MTCL2: variants seen among roughly 807,000 people sequenced by gnomAD.
MTCL2 encodes the protein microtubule cross-linking factor 2.
the MTCL2 span, among the ~76,000 whole-genome samples, chr20:36,843,171 A>G: frequency 3.3e-5 from 5 of 152,146 alleles, no homozygotes; most frequent in Non-Finnish European, 7.4e-5. Context: ...AGGAACAAAC[A>G]TGGGGTTCTC....
the MTCL2 span, among the ~76,000 whole-genome samples, chr20:36,787,515 G>C: frequency 6.6e-6 from 1 of 152,074 alleles, no homozygotes; most frequent in Non-Finnish European, 1.5e-5. Flanking sequence ...GAGCCACTGT[G>C]CCTGGCCCCA....
the MTCL2 span, among the ~76,000 whole-genome samples, chr20:36,810,759 C>T: frequency 8.7e-5 from 6 of 69,150 alleles, no homozygotes; most frequent in Non-Finnish European, 1.4e-4. Flanking sequence ...TCTCTTTCAA[C>T]GGAGTTTCGC....
the MTCL2 span, among the ~76,000 whole-genome samples, chr20:36,850,853 T>G: frequency 6.6e-6 from 1 of 152,234 alleles, no homozygotes; most frequent in Non-Finnish European, 1.5e-5. Flanking sequence ...CTGTGGTACG[T>G]CCACGCAATA....
chr20:36,853,880 T>G, the MTCL2 span, among the ~76,000 whole-genome samples: 1 of 152,116 alleles, frequency 6.6e-6, no homozygotes, highest in Non-Finnish European at 1.5e-5. Flanking sequence ...GGCATTCGTG[T>G]CAGGAAGCGC....
the MTCL2 span, among the ~76,000 whole-genome samples, chr20:36,845,426 A>T: frequency 6.6e-6 from 1 of 152,374 alleles, no homozygotes; most frequent in East Asian, 1.9e-4. Context: ...GTGACAGCCC[A>T]AGATGTTGCA....
At chr20:36,811,584 C>T in the MTCL2 span, among the ~76,000 whole-genome samples, 3 of 151,132 alleles carry the variant, frequency 2.0e-5, no homozygotes, top group African/African-American at 4.9e-5. Flanking sequence ...GAGCCAAGAT[C>T]GCACTACTGC....
At chr20:36,794,730 A>T in the MTCL2 span, 11 of 1,134,182 alleles carry the variant, frequency 9.7e-6, no homozygotes, top group Non-Finnish European at 1.4e-5. The surrounding 1 kb of genome is among the most constrained non-coding windows in gnomAD (Gnocchi z 5.4). Context: ...TCTTGTAGAG[A>T]TGTTGTTGGT....
chr20:36,791,227 G>A, the MTCL2 span, among the ~76,000 whole-genome samples: 1 of 151,506 alleles, frequency 6.6e-6, no homozygotes, highest in Non-Finnish European at 1.5e-5. Flanking sequence ...TACAGACAGG[G>A]TTTCACCATA....
chr20:36,857,679 T>C, the MTCL2 span, among the ~76,000 whole-genome samples: 1 of 152,130 alleles, frequency 6.6e-6, no homozygotes, highest in South Asian at 2.1e-4. Context: ...GTCCTCCCCC[T>C]GTAGCTCCTG....
the MTCL2 span, chr20:36,804,931 A>C: frequency 6.3e-7 from 1 of 1,599,798 alleles, no homozygotes; most frequent in African/African-American, 1.3e-5. Flanking sequence ...ACCTGAGTCA[A>C]GAGCCTCTGT....
At chr20:36,849,760 G>A in the MTCL2 span, among the ~76,000 whole-genome samples, 2 of 152,234 alleles carry the variant, frequency 1.3e-5, no homozygotes, top group African/African-American at 4.8e-5. Flanking sequence ...GCGGGGGGAA[G>A]TTTAGATTTG....
At chr20:36,808,591 G>A in the MTCL2 span, 1 of 1,611,558 alleles carries the variant, frequency 6.2e-7, no homozygotes, top group African/African-American at 1.3e-5. Context: ...GCTTCATGAA[G>A]AGCAGCAGGA....
At chr20:36,854,157 C>T in the MTCL2 span, among the ~76,000 whole-genome samples, 15 of 152,194 alleles carry the variant, frequency 9.9e-5, no homozygotes, top group Non-Finnish European at 1.6e-4. Context: ...CACAAGACCC[C>T]AGTCTTGCCT....
At chr20:36,847,096 T>A in the MTCL2 span, among the ~76,000 whole-genome samples, 1 of 152,214 alleles carries the variant, frequency 6.6e-6, no homozygotes, top group South Asian at 2.1e-4. Flanking sequence ...AGTTGACAGT[T>A]TAATCCTCTT....
the MTCL2 span, among the ~76,000 whole-genome samples, chr20:36,840,924 A>G: frequency 6.6e-6 from 1 of 151,996 alleles, no homozygotes; most frequent in Non-Finnish European, 1.5e-5. Context: ...GCAGGGAGGG[A>G]CAATGGGGTG....
At chr20:36,830,901 G>T in the MTCL2 span, among the ~76,000 whole-genome samples, 1 of 152,218 alleles carries the variant, frequency 6.6e-6, no homozygotes, top group African/African-American at 2.4e-5. Context: ...ATCGCTGGAG[G>T]TCACAGTGTG....
At chr20:36,854,875 G>GGA in the MTCL2 span, among the ~76,000 whole-genome samples, 1 of 152,172 alleles carries the variant, frequency 6.6e-6, no homozygotes, top group Non-Finnish European at 1.5e-5. Context: ...TTACTAAGCT[G>GGA]GAGGCACTAG....
At chr20:36,861,656 G>C in the MTCL2 span, among the ~76,000 whole-genome samples, 1 of 152,170 alleles carries the variant, frequency 6.6e-6, no homozygotes, top group Non-Finnish European at 1.5e-5. Context: ...GACAAGAGTC[G>C]GCAACATTTC....
the MTCL2 span, among the ~76,000 whole-genome samples, chr20:36,830,132 C>T: frequency 1.3e-5 from 2 of 152,158 alleles, no homozygotes; most frequent in African/African-American, 4.8e-5. Context: ...CTGTGCCTGC[C>T]TACCTGGGCT....
Sources: allele counts gnomAD v4.1 joint callset (sites outside exome capture counted in the v4.1 genomes callset), GRCh38; gene constraint gnomAD v4.1.1; non-coding constraint Gnocchi (gnomAD v3.1); transcripts MANE v1.5; gene names NCBI Gene and HGNC (gene_info 2026-07-23, HGNC 2026-07-21).